Variants in PIWIL1 observed in about 807,000 individuals in gnomAD.
PIWIL1 encodes piwi-like protein 1.
Under a neutral mutation model 114.4 loss-of-function variants are expected in PIWIL1, and 73 were observed. That is an observed-to-expected ratio of 0.64 (90% CI 0.53 to 0.78). PIWIL1 has a LOEUF of 0.78. PIWIL1 is among the 30% of genes least tolerant of loss of function. PIWIL1 has a pLI of 0.00. For synonymous variants in PIWIL1, 375 were observed against 369.0 expected (o/e 1.02, Z -0.19); for missense variants, 723 against 1,063.1 (o/e 0.68, Z 4.45).
At chr12:130,362,642 G>C in intron 16 of PIWIL1, 124 bp from the exon 17 acceptor site, 2 of 765,464 alleles carry the variant, frequency 2.6e-6, no homozygotes, top group Middle Eastern at 2.8e-4. Flanking sequence ...GATGTTAACA[G>C]ATGTCTTTAA....
chr12:130,340,719 G>A (rs990353529), intron 1 of PIWIL1, among the ~76,000 whole-genome samples: 1 of 152,014 alleles, frequency 6.6e-6, no homozygotes, highest in South Asian at 2.1e-4. Context: ...TAGATTATCA[G>A]TAAGAGACTT....
chr12:130,390,921 C>T, the PIWIL1 span, among the ~76,000 whole-genome samples: 132,607 of 152,204 alleles, frequency 0.87, 57,838 homozygotes, highest in South Asian at 0.91. Flanking sequence ...GCACAACTTA[C>T]CTGGTCCCTG....
chr12:130,353,006 A>G (rs1325205182), intron 9 of PIWIL1, among the ~76,000 whole-genome samples: 2 of 152,214 alleles, frequency 1.3e-5, no homozygotes, highest in Non-Finnish European at 2.9e-5. Flanking sequence ...GCTAGAATTC[A>G]TGGTTTCTTA....
the PIWIL1 span, chr12:130,424,663 C>T: frequency 2.1e-5 from 26 of 1,231,870 alleles, no homozygotes; most frequent in East Asian, 3.2e-5. The surrounding 1 kb of genome is among the most constrained non-coding windows in gnomAD (Gnocchi z 9.8). Flanking sequence ...TAGGGCCTGC[C>T]GGGCCTGGGC....
At chr12:130,425,037 T>C in the PIWIL1 span, 1 of 362,490 alleles carries the variant, frequency 2.8e-6, no homozygotes, top group Non-Finnish European at 4.8e-6. Flanking sequence ...GAAAACAGAA[T>C]GGGTTACGGG....
chr12:130,419,812 A>G, the PIWIL1 span: 2 of 152,228 alleles, frequency 1.3e-5, no homozygotes, highest in Non-Finnish European at 2.9e-5. This position sits in a 1 kb window ranked among gnomAD's most constrained non-coding sequence, Gnocchi z 4.3. Context: ...TGACAGGTCA[A>G]CAACTAGATA....
At chr12:130,403,129 C>T in the PIWIL1 span, among the ~76,000 whole-genome samples, 1 of 152,066 alleles carries the variant, frequency 6.6e-6, no homozygotes, top group African/African-American at 2.4e-5. Flanking sequence ...TTCGCTCTCT[C>T]GAGATGTTTA....
chr12:130,397,719 C>T, the PIWIL1 span: 5 of 387,460 alleles, frequency 1.3e-5, no homozygotes, highest in Non-Finnish European at 1.8e-5. Flanking sequence ...CCACAGCACG[C>T]CAGAGAGAGG....
chr12:130,392,142 C>G, the PIWIL1 span, among the ~76,000 whole-genome samples: 25 of 111,908 alleles, frequency 2.2e-4, no homozygotes, highest in African/African-American at 8.2e-4. Flanking sequence ...CATCACGTGT[C>G]CGTCAGTTAC....
chr12:130,375,536 T>C (rs373888167), downstream of PIWIL1, among the ~76,000 whole-genome samples: 1 of 152,232 alleles, frequency 6.6e-6, no homozygotes, highest in Non-Finnish European at 1.5e-5. Context: ...ACGCACGGTC[T>C]GTGCACTCGG....
At chr12:130,379,067 C>A in the PIWIL1 span, among the ~76,000 whole-genome samples, 12 of 152,264 alleles carry the variant, frequency 7.9e-5, no homozygotes, top group African/African-American at 2.2e-4. Context: ...TGCCAAAGTT[C>A]TTGATTTGTA....
At position 130,354,654 on chromosome 12, in the gene PIWIL1, T is replaced by G; in HGVS notation, c.1162T>G (p.Tyr388Asp). ...TGCCATGCTCATTCCTGAGCTCTGC[T>G]ATCTTACAGGTACTGTTGCATTTCA... ...GPAMLIPELC[Y>D]LTGLTDKMRN... Residue 388 changes from tyrosine to aspartate, a missense_variant, in exon 10 of 21, where the codon TAT (tyrosine) becomes GAT (aspartate). By Grantham distance (160) the Tyr-to-Asp change is radical (BLOSUM62 -3). This residue lies in a region of PIWIL1 where 298 missense variants were observed against 420.8 expected (regional missense o/e 0.71). Transcript: ENST00000245255. The G allele has an allele frequency of 6.3e-7, 1 of 1,587,332 alleles. No individual in the cohort carries two copies. Among genetic ancestry groups the G allele is most frequent in the Non-Finnish European group, 8.5e-7 (1 of 1,170,614 alleles).
the PIWIL1 span, among the ~76,000 whole-genome samples, chr12:130,401,471 C>G: frequency 2.0e-5 from 3 of 151,804 alleles, no homozygotes; most frequent in Admixed American, 2.0e-4. Flanking sequence ...AAGAGGCAGC[C>G]CCACATACTT....
At chr12:130,343,789 C>A (rs2072995464) in intron 3 of PIWIL1, among the ~76,000 whole-genome samples, 2 of 152,026 alleles carry the variant, frequency 1.3e-5, no homozygotes, top group Admixed American at 1.3e-4. Flanking sequence ...CTGCGCCCAG[C>A]TAATTTTTTT....
chr12:130,423,753 G>GA, the PIWIL1 span, among the ~76,000 whole-genome samples: 384 of 139,314 alleles, frequency 2.8e-3, 1 homozygote, highest in African/African-American at 9.4e-3. Context: ...AAATAACAAG[G>GA]AAAAAAAACC....
intron 16 of PIWIL1, among the ~76,000 whole-genome samples, 180 bp downstream of exon 16, chr12:130,361,781 C>T (rs2073516526): frequency 6.6e-6 from 1 of 152,118 alleles, no homozygotes; most frequent in South Asian, 2.1e-4. Flanking sequence ...ATCCTGTATT[C>T]GTCAAACTGC....
chr12:130,399,131 C>G, the PIWIL1 span: 1 of 1,397,018 alleles, frequency 7.2e-7, no homozygotes, highest in Non-Finnish European at 9.3e-7. Context: ...GCTACATTGC[C>G]TGATTAAGGT....
the PIWIL1 span, among the ~76,000 whole-genome samples, chr12:130,413,612 G>A: frequency 1.0e-4 from 14 of 139,582 alleles, no homozygotes; most frequent in Admixed American, 7.4e-4. Context: ...CAGCCTGGGT[G>A]ACAGAGCAAG....
At chr12:130,404,644 T>C in the PIWIL1 span, among the ~76,000 whole-genome samples, 1 of 152,214 alleles carries the variant, frequency 6.6e-6, no homozygotes, top group Non-Finnish European at 1.5e-5. Flanking sequence ...AGAATAAATC[T>C]ATGAATCTTT....
Sources: gnomAD v4.1 joint callset for allele counts (sites outside exome capture counted in the v4.1 genomes callset) on GRCh38, gnomAD v4.1.1 for gene constraint, gnomAD v4.1.1 regional missense constraint, Gnocchi (gnomAD v3.1) non-coding constraint, MANE v1.5 for transcripts, NCBI Gene and HGNC (gene_info 2026-07-23, HGNC 2026-07-21) for gene names.